The following TNFRSF10B variants were observed in gnomAD, a reference collection of about 807,000 sequenced individuals.
The protein encoded by TNFRSF10B is TNF receptor superfamily member 10b, also known as tumor necrosis factor receptor superfamily member 10B.
In TNFRSF10B, 35 loss-of-function variants were observed where a neutral mutation model predicts 41.4. That is an observed-to-expected ratio of 0.85 (90% CI 0.65 to 1.12). TNFRSF10B has a LOEUF of 1.12. Among genes scored for constraint, TNFRSF10B ranks in the 50% most tolerant of loss-of-function variants. The pLI is 0.00. For missense variants in TNFRSF10B, 584 were observed against 552.7 expected, an observed-to-expected ratio of 1.06 and a Z score of -0.57; for synonymous variants, 230 against 215.5, an observed-to-expected ratio of 1.07 and a Z score of -0.59.
At chr8:23,051,647 C>G (rs971426760) in intron 1 of TNFRSF10B, among the ~76,000 whole-genome samples, 2 of 151,960 alleles carry the variant, frequency 1.3e-5, no homozygotes, top group Non-Finnish European at 2.9e-5. Context: ...CGGGTTCACG[C>G]CATTCTCCTG....
At chr8:23,066,742 A>G (rs1244462118) in intron 1 of TNFRSF10B, among the ~76,000 whole-genome samples, 1 of 151,876 alleles carries the variant, frequency 6.6e-6, no homozygotes, top group Non-Finnish European at 1.5e-5. Flanking sequence ...CTAAAAATAC[A>G]AAAAGTTCGC....
rs903434629 is a variant in TNFRSF10B, at chr8:23,022,305, C to T, written c.*366G>A. The stretch of plus-strand genomic sequence containing the variant: ...CATATCATATAGTATCAAGTGAAGT[C>T]GGACAACGACTGTGTAGATGGATCT... On this transcript the variant is annotated 3_prime_UTR_variant, in exon 9 of 9. Transcript: ENST00000276431. The T allele has an allele frequency of 3.1e-5, 14 of 458,952 alleles. No individual in the cohort carries two copies. Among genetic ancestry groups the T allele is most frequent in the African/African-American group, 1.2e-4 (6 of 50,150 alleles). 28.4% of individuals were successfully genotyped at this position (458,952 alleles called of 1,614,324 possible).
chr8:23,040,977 A>C (rs937185763), intron 2 of TNFRSF10B, among the ~76,000 whole-genome samples: 16 of 152,292 alleles, frequency 1.1e-4, no homozygotes, highest in African/African-American at 3.6e-4. Context: ...CTTACTACAA[A>C]ATGAAGTCCA....
At position 23,020,500 on chromosome 8, in the gene TNFRSF10B, T is replaced by C. The variant is rs535545293; in HGVS notation, c.*2171A>G. ...TGAGGTCAGGAGTTCGAGACCAGCC[T>C]GACCAACATGGTGAAACCCCGTCTC... On this transcript the variant is annotated 3_prime_UTR_variant, in exon 9 of 9. Coordinates refer to ENST00000276431, the MANE Select transcript of TNFRSF10B (RefSeq NM_003842.5). 1.8e-5 allele frequency: 8 copies of C among 452,362 alleles called. 1 individual carries two copies. Among genetic ancestry groups the C allele is most frequent in the African/African-American group, 1.4e-4 (7 of 50,026 alleles). 28.0% of individuals were successfully genotyped at this position (452,362 alleles called of 1,614,324 possible).
chr8:23,031,026 C>A (rs1811868137), intron 2 of TNFRSF10B, among the ~76,000 whole-genome samples, 154 bp from the exon 3 acceptor site: 1 of 152,202 alleles, frequency 6.6e-6, no homozygotes, highest in African/African-American at 2.4e-5. Context: ...TCTGCATTTA[C>A]ACACCTTAAA....
intron 7 of TNFRSF10B, among the ~76,000 whole-genome samples, chr8:23,026,096 T>C (rs926928910): frequency 2.0e-5 from 3 of 152,002 alleles, no homozygotes; most frequent in African/African-American, 7.3e-5. Flanking sequence ...ATCTTCAAAG[T>C]CATTAATAAG....
intron 1 of TNFRSF10B, among the ~76,000 whole-genome samples, chr8:23,049,299 T>C (rs755646482): frequency 2.0e-5 from 3 of 152,130 alleles, no homozygotes; most frequent in Non-Finnish European, 4.4e-5. Flanking sequence ...TGCCTAGGCC[T>C]TTCCTGGGCC....
intron 1 of TNFRSF10B, among the ~76,000 whole-genome samples, chr8:23,048,821 C>T (rs1457868142): frequency 1.3e-5 from 2 of 152,124 alleles, no homozygotes; most frequent in Non-Finnish European, 2.9e-5. Flanking sequence ...TGGTCTTGAA[C>T]GTTCGCCTGG....
At chr8:23,041,096 T>C (rs957758548) in intron 2 of TNFRSF10B, among the ~76,000 whole-genome samples, 1 of 150,446 alleles carries the variant, frequency 6.6e-6, no homozygotes, top group African/African-American at 2.4e-5. Context: ...TCTCACTCTG[T>C]CACCCAGGCT....
At chr8:23,030,675 G>C in intron 3 of TNFRSF10B, 84 bp downstream of exon 3, 1 of 1,001,588 alleles carries the variant, frequency 1.0e-6, no homozygotes, top group Non-Finnish European at 1.5e-6. Flanking sequence ...CCAGAATCTA[G>C]GTCTCCTGAT....
Position 23,021,239 on chromosome 8 carries a change from A to G in TNFRSF10B, c.*1432T>C. 2.2e-6 allele frequency: 1 copy of G among 454,178 alleles called. No individual in the cohort carries two copies. The highest frequency in any genetic ancestry group is 4.4e-6 in the Non-Finnish European group (1 of 226,802). The allele number at this position is 454,178 out of a possible 1,614,324, so 28.1% of individuals were successfully genotyped here. ...AGAAGAAAACCTTAATGCGTCAGCC[A>G]TTCTAGGTCCTGTTGCCACAGTGTT... On this transcript the variant is annotated 3_prime_UTR_variant, in exon 9 of 9. Transcript: ENST00000276431.
intron 1 of TNFRSF10B, among the ~76,000 whole-genome samples, chr8:23,057,157 A>G (rs1812693747): frequency 6.7e-6 from 1 of 150,004 alleles, no homozygotes; most frequent in East Asian, 2.0e-4. Flanking sequence ...CTCCTGCCTC[A>G]GCCTCCCGAG....
rs766902355 is a variant in TNFRSF10B at position 23,023,033 on chromosome 8, G to C, written c.1010-49C>G. ...AGCCAGGTGAGTTGGGACTCAGAAA[G>C]GGCAGAGGATTCCACATCAGGCCCA... is the stretch of plus-strand genomic sequence containing the variant. On this transcript the variant is annotated intron_variant, in intron 8 of 8. Transcript: ENST00000276431. 1.5e-4 allele frequency: 241 copies of C among 1,596,542 alleles called. No homozygotes were observed. The Middle Eastern group carries it at 1.9e-3, about 13-fold the overall frequency.
At chr8:23,041,162 G>A (rs929795204) in intron 2 of TNFRSF10B, among the ~76,000 whole-genome samples, 12 of 151,316 alleles carry the variant, frequency 7.9e-5, no homozygotes, top group Admixed American at 5.3e-4. Flanking sequence ...GGGTTCAAGC[G>A]ATTCTCCTGC....
Position 23,020,312 on chromosome 8 carries a change from A to C in TNFRSF10B, c.*2359T>G, listed in dbSNP as rs1419047164. 1 of 454,000 alleles carries C rather than the reference A, an allele frequency of 2.2e-6. No homozygotes were observed. Among genetic ancestry groups the C allele is most frequent in the Non-Finnish European group, 4.4e-6 (1 of 226,778 alleles). The allele number at this position is 454,000 out of a possible 1,614,324, so 28.1% of individuals were successfully genotyped here. A position where few individuals can be genotyped will look rare whatever the true frequency, so the allele number is the denominator to read the frequency against. On this transcript the variant is annotated 3_prime_UTR_variant, in exon 9 of 9. Coordinates refer to ENST00000276431, the MANE Select transcript of TNFRSF10B (RefSeq NM_003842.5). ...CACTATACTATGGCTGTCCTGTGTC[A>C]CATGCTATTTGGCCTGGGGATATAG...
chr8:23,046,871 A>G (rs927651755), intron 1 of TNFRSF10B, among the ~76,000 whole-genome samples: 2 of 152,224 alleles, frequency 1.3e-5, no homozygotes, highest in Non-Finnish European at 2.9e-5. Context: ...AGTCTCCACA[A>G]TAAATGGTGT....
rs1217661467 is a variant in TNFRSF10B at position 23,028,602 on chromosome 8, C to T, written c.477G>A (p.Gly159=). The T allele has an allele frequency of 1.2e-6, 2 of 1,614,040 alleles. No homozygotes were observed. The highest frequency in any genetic ancestry group is 1.7e-6 in the Non-Finnish European group (2 of 1,179,958). The change falls in exon 5 of 9, where the codon GGG becomes GGA. Residue 159 remains glycine (G), a splice_region_variant and synonymous_variant. Transcript: ENST00000276431. ...SPEMCRKCRT[G]CPRGMVKVGD... is the part of the protein sequence containing the mutation. ...CGACCTTGACCATCCCTCTGGGACA[C>T]CTGGGTACACACACAGAGGGAGAGG... is the stretch of plus-strand genomic sequence containing the variant.
At chr8:23,056,232 A>G (rs1300093182) in intron 1 of TNFRSF10B, among the ~76,000 whole-genome samples, 2 of 152,206 alleles carry the variant, frequency 1.3e-5, no homozygotes, top group Non-Finnish European at 2.9e-5. Flanking sequence ...GTCCTTATAG[A>G]GTCATCAGCT....
chr8:23,026,827 G>A (rs1464157539), intron 7 of TNFRSF10B, among the ~76,000 whole-genome samples: 2 of 152,192 alleles, frequency 1.3e-5, no homozygotes, highest in East Asian at 1.9e-4. Context: ...CTTCTGTTAG[G>A]AGCATACGAT....
Sources: allele counts gnomAD v4.1 joint callset (sites outside exome capture counted in the v4.1 genomes callset), GRCh38; gene constraint gnomAD v4.1.1; transcripts MANE v1.5; gene names NCBI Gene and HGNC (gene_info 2026-07-23, HGNC 2026-07-21).